Variants in WDFY4 observed in about 807,000 individuals in gnomAD.
WDFY4 encodes WDFY family member 4, also known as WD repeat- and FYVE domain-containing protein 4.
A neutral mutation model predicts 351.9 loss-of-function variants in WDFY4; 169 were observed. The ratio of observed to expected loss-of-function variants is 0.48; its 90% CI spans 0.42 to 0.55. WDFY4 has a LOEUF of 0.55. Ranked by LOEUF, WDFY4 falls within the 20% of genes least tolerant of loss-of-function variation. WDFY4 has a pLI of 0.00. For synonymous variants in WDFY4, 1,622 were observed against 1,574.6 expected, an observed-to-expected ratio of 1.03 and a Z score of -0.71; for missense variants, 3,803 against 3,935.6, an observed-to-expected ratio of 0.97 and a Z score of 0.90.
chr10:48,868,309 A>G (rs566004134), intron 40 of WDFY4, among the ~76,000 whole-genome samples: 46 of 152,324 alleles, frequency 3.0e-4, no homozygotes, highest in African/African-American at 8.2e-4. Flanking sequence ...CTTACCAGAC[A>G]GGACACTTGT....
chr10:48,800,402 A>T (rs1048146849), intron 24 of WDFY4, among the ~76,000 whole-genome samples: 4 of 152,082 alleles, frequency 2.6e-5, no homozygotes, highest in African/African-American at 9.7e-5. Flanking sequence ...TGAGGAAGGG[A>T]GAGACAGGAA....
At chr10:48,947,094 GC>G in intron 51 of WDFY4, 125 bp downstream of exon 51, 1 of 777,788 alleles carries the variant, frequency 1.3e-6, no homozygotes, top group Non-Finnish European at 2.0e-6. Flanking sequence ...TCAGTCATTA[GC>G]CAGTGATTCC....
At chr10:48,952,505 G>A (rs556207573) in intron 51 of WDFY4, among the ~76,000 whole-genome samples, 14 of 152,268 alleles carry the variant, frequency 9.2e-5, no homozygotes, top group East Asian at 1.9e-4. Context: ...AGACAGTCCC[G>A]GGATAATCTC....
intron 31 of WDFY4, among the ~76,000 whole-genome samples, chr10:48,816,103 T>C (rs1310050026): frequency 6.6e-6 from 1 of 152,218 alleles, no homozygotes; most frequent in Non-Finnish European, 1.5e-5. Context: ...CCTAGTTTAG[T>C]TAATTAATAT....
rs945534695 is a variant in WDFY4 at position 48,978,596 on chromosome 10, C to A, written c.9376+203C>A. The A allele has an allele frequency of 1.7e-5, 9 of 526,416 alleles. No individual in the cohort carries two copies. The Admixed American group carries it at 2.2e-4, about 13-fold the overall frequency. 32.6% of individuals were successfully genotyped at this position (526,416 alleles called of 1,614,324 possible). On this transcript the variant is annotated intron_variant, in intron 60 of 61. Coordinates refer to ENST00000325239, the MANE Select transcript of WDFY4 (RefSeq NM_001394531.1). ...CTCACACCTGCTGCCATCACAGCCA[C>A]AACGGCCTCAGAATAACCTAACCAT...
chr10:48,975,142 C>A, intron 58 of WDFY4, 101 bp downstream of exon 58: 1 of 1,487,366 alleles, frequency 6.7e-7, no homozygotes, highest in South Asian at 1.2e-5. Context: ...CTAGCCACCC[C>A]AGAATGCTGA....
At chr10:48,706,543 G>T (rs1182518190) in intron 1 of WDFY4, among the ~76,000 whole-genome samples, 2 of 151,926 alleles carry the variant, frequency 1.3e-5, no homozygotes, top group Non-Finnish European at 2.9e-5. Flanking sequence ...AATTATCAGG[G>T]TTAAAAAAAA....
chr10:48,921,206 C>T (rs1173326558), intron 47 of WDFY4, among the ~76,000 whole-genome samples: 5 of 151,838 alleles, frequency 3.3e-5, no homozygotes, highest in African/African-American at 1.2e-4. Context: ...ATTATGTGTC[C>T]CAATTTTAAA....
At chr10:48,932,807 G>A (rs1190672126) in intron 47 of WDFY4, among the ~76,000 whole-genome samples, 4 of 152,134 alleles carry the variant, frequency 2.6e-5, no homozygotes, top group South Asian at 2.1e-4. Flanking sequence ...GAGGTGGGTG[G>A]GGAGGTCCTT....
intron 1 of WDFY4, among the ~76,000 whole-genome samples, chr10:48,696,759 C>T (rs1032023435): frequency 6.6e-5 from 10 of 152,192 alleles, no homozygotes; most frequent in South Asian, 2.1e-4. Flanking sequence ...TTAAGAGCTT[C>T]GAGGCAGCAA....
In WDFY4 at chr10:48,822,554, G is replaced by T; in HGVS notation, c.5982+17G>T. 6.6e-7 allele frequency: 1 copy of T among 1,514,946 alleles called. No individual in the cohort carries two copies. The highest frequency in any genetic ancestry group is 8.9e-7 in the Non-Finnish European group (1 of 1,124,394). The allele number at this position is 1,514,946 out of a possible 1,614,324, so 93.8% of individuals were successfully genotyped here. ...ATCATGGTGGTAAGAGCTGCTCACT[G>T]ACCGGGTATCTGTGTGGATCTGAAT... On this transcript the variant is annotated intron_variant, in intron 35 of 61. Coordinates refer to ENST00000325239, the MANE Select transcript of WDFY4 (RefSeq NM_001394531.1).
intron 39 of WDFY4, among the ~76,000 whole-genome samples, chr10:48,857,195 AT>A (rs369777739): frequency 2.5e-4 from 37 of 149,136 alleles, no homozygotes; most frequent in Admixed American, 1.7e-3. Flanking sequence ...CAACCATCAC[AT>A]TTTTTTTTTG....
rs1487506426 is a variant in WDFY4, at chr10:48,694,983, T to TG, written c.-18+9983dup. On this transcript the variant is annotated intron_variant, in intron 1 of 61. Coordinates refer to ENST00000325239, the MANE Select transcript of WDFY4 (RefSeq NM_001394531.1). ...CTGGCCCCCTGCTCCCCCTGAGCTTTGAAGTCCAGGGTGTGGACAGAGGGT... is the reference window on the plus strand; with the variant it reads ...CTGGCCCCCTGCTCCCCCTGAGCTTTGGAAGTCCAGGGTGTGGACAGAGGGT... Among the ~76,000 whole-genome samples, 5 of 152,286 alleles carry TG rather than the reference T, an allele frequency of 3.3e-5. No homozygotes were observed. In the East Asian group the frequency reaches 9.7e-4, roughly 29 times the overall value.
In WDFY4 at chr10:48,743,279, G is replaced by T. The variant is rs2064910253; in HGVS notation, c.2190G>T (p.Leu730=). Residue 730 remains leucine (L), a synonymous_variant, in exon 12 of 62, where the codon CTG becomes CTT. Coordinates refer to ENST00000325239, the MANE Select transcript of WDFY4 (RefSeq NM_001394531.1). Reference sequence around the variant, plus strand: ...GAGCCCTGGAGGAAGAGGGCAACCTGCTGCGCTCTTGGGTGGACACAAAGG... The same window carrying T: ...GAGCCCTGGAGGAAGAGGGCAACCTTCTGCGCTCTTGGGTGGACACAAAGG... The part of the protein sequence containing the change: ...CFGALEEEGN[L]LRSWVDTKAR... 6.4e-7 allele frequency: 1 copy of T among 1,551,722 alleles called. No homozygotes were observed. The highest frequency in any genetic ancestry group is 8.7e-7 in the Non-Finnish European group (1 of 1,146,990).
chr10:48,977,090 A>G, intron 59 of WDFY4, 111 bp downstream of exon 59: 1 of 1,128,112 alleles, frequency 8.9e-7, no homozygotes. Flanking sequence ...AGACCATTCC[A>G]GAACGGGTAC....
chr10:48,771,092 C>T (rs943094468), intron 13 of WDFY4, among the ~76,000 whole-genome samples: 1 of 152,168 alleles, frequency 6.6e-6, no homozygotes, highest in African/African-American at 2.4e-5. Flanking sequence ...AGCTACAGGG[C>T]CCATGTGTTT....
intron 20 of WDFY4, among the ~76,000 whole-genome samples, chr10:48,787,135 G>C (rs891336837): frequency 1.3e-5 from 2 of 152,222 alleles, no homozygotes; most frequent in African/African-American, 4.8e-5. Context: ...AGAGAGAAGA[G>C]AATGAGATAA....
chr10:48,867,509 G>A (rs1309633375), intron 40 of WDFY4, among the ~76,000 whole-genome samples, 167 bp downstream of exon 40: 1 of 152,172 alleles, frequency 6.6e-6, no homozygotes, highest in African/African-American at 2.4e-5. Context: ...CACTGACAAG[G>A]GCAGGCTTAG....
intron 60 of WDFY4, 85 bp downstream of exon 60, chr10:48,978,478 C>A: frequency 7.7e-7 from 1 of 1,296,634 alleles, no homozygotes; most frequent in Non-Finnish European, 1.0e-6. Flanking sequence ...CCAAGGGCTG[C>A]AGCTCCTCCC....
Sources: allele counts gnomAD v4.1 joint callset (sites outside exome capture counted in the v4.1 genomes callset), GRCh38; gene constraint gnomAD v4.1.1; transcripts MANE v1.5; gene names NCBI Gene and HGNC (gene_info 2026-07-23, HGNC 2026-07-21).